CCDC148: variants seen among roughly 807,000 people sequenced by gnomAD.
CCDC148 encodes coiled-coil domain containing 148.
In CCDC148, 89 loss-of-function variants were observed where a neutral mutation model predicts 85.7. The observed-to-expected ratio is 1.04, with a 90% confidence interval of 0.87 to 1.24. CCDC148 has a LOEUF of 1.24. Ranked by LOEUF, CCDC148 falls within the 50% of genes most tolerant of loss-of-function variation. CCDC148 has a pLI of 0.00. For synonymous variants in CCDC148, 230 were observed against 213.9 expected, an observed-to-expected ratio of 1.08 and a Z score of -0.66; for missense variants, 692 against 671.7, an observed-to-expected ratio of 1.03 and a Z score of -0.33.
rs564871785 is a variant in CCDC148, at chr2:158,288,752, T to C, written c.1110+20681A>G. 2.1e-4 allele frequency: 85 copies of C among 401,514 alleles called. 1 individual carries two copies. Among genetic ancestry groups the C allele is most frequent in the African/African-American group, 1.6e-3 (77 of 47,364 alleles). 24.9% of individuals were successfully genotyped at this position (401,514 alleles called of 1,614,324 possible). ...CCAAAGTCACTTCCACATTTTCGGG[T>C]ATCTTTTCAGCAACACTTCACTCTA... On this transcript the variant is annotated intron_variant, in intron 9 of 13. Transcript: ENST00000283233.
intron 1 of CCDC148, among the ~76,000 whole-genome samples, chr2:158,383,418 TAA>T (rs1220214319): frequency 1.3e-5 from 2 of 152,060 alleles, no homozygotes; most frequent in African/African-American, 4.8e-5. Flanking sequence ...AATTTTATTT[TAA>T]AAGTGTATAT....
At position 158,352,567 on chromosome 2, in the gene CCDC148, G is replaced by A. The variant is rs548427724; in HGVS notation, c.147+5882C>T. ...AATGAGCAAAGCCTCCAAGAAATAT[G>A]GGACTATGTGAAAAGACCAAATCTA... On this transcript the variant is annotated intron_variant, in intron 2 of 13. Transcript: ENST00000283233. Among the ~76,000 whole-genome samples, 7 of 152,108 alleles carry A rather than the reference G, an allele frequency of 4.6e-5. No homozygotes were observed. In the South Asian group the frequency reaches 1.2e-3, roughly 27 times the overall value.
At chr2:158,352,146 G>A (rs1449146010) in intron 2 of CCDC148, among the ~76,000 whole-genome samples, 33 of 149,482 alleles carry the variant, frequency 2.2e-4, no homozygotes, top group Admixed American at 6.6e-5. Context: ...CAGAAAAACT[G>A]GAAACTCCAA....
intron 9 of CCDC148, among the ~76,000 whole-genome samples, chr2:158,271,524 T>A (rs539622073): frequency 1.3e-5 from 2 of 152,140 alleles, no homozygotes; most frequent in Non-Finnish European, 2.9e-5. Flanking sequence ...TTTGCAGCCA[T>A]CTTGGTTATC....
intron 1 of CCDC148, chr2:158,425,388 T>C (rs1687028687): frequency 5.0e-6 from 2 of 402,504 alleles, no homozygotes; most frequent in Admixed American, 5.6e-5. Context: ...CTTTTGTTGA[T>C]CTAAGATGAT....
At chr2:158,421,412 C>T (rs920962812) in intron 1 of CCDC148, among the ~76,000 whole-genome samples, 14 of 152,176 alleles carry the variant, frequency 9.2e-5, no homozygotes, top group Non-Finnish European at 2.1e-4. Flanking sequence ...TGCAATCAAA[C>T]TAGAACTCAG....
intron 1 of CCDC148, among the ~76,000 whole-genome samples, chr2:158,419,018 A>G (rs943310603): frequency 6.6e-5 from 10 of 152,132 alleles, no homozygotes; most frequent in African/African-American, 9.7e-5. Flanking sequence ...TTTCATAATT[A>G]GAGAAGATAA....
intron 9 of CCDC148, among the ~76,000 whole-genome samples, chr2:158,291,375 A>C (rs1690887210): frequency 6.6e-6 from 1 of 152,176 alleles, no homozygotes; most frequent in Admixed American, 6.5e-5. Flanking sequence ...CATCTAGTAC[A>C]CACCTAGTTC....
chr2:158,383,175 G>A (rs1190311059), intron 1 of CCDC148, among the ~76,000 whole-genome samples: 2 of 151,750 alleles, frequency 1.3e-5, no homozygotes, highest in African/African-American at 4.8e-5. Flanking sequence ...AAATTAGCTG[G>A]GCATGGTGAC....
intron 9 of CCDC148, among the ~76,000 whole-genome samples, chr2:158,303,327 T>C (rs1691535411): frequency 6.6e-6 from 1 of 152,222 alleles, no homozygotes; most frequent in African/African-American, 2.4e-5. Flanking sequence ...TCTATTATTT[T>C]GTAGAACTCT....
intron 1 of CCDC148, among the ~76,000 whole-genome samples, chr2:158,381,506 CA>C (rs1684867844): frequency 6.6e-6 from 1 of 152,132 alleles, no homozygotes. Flanking sequence ...AGCGTTCACA[CA>C]CAGCTGGTGG....
chr2:158,455,271 C>A (rs1032575497), intron 1 of CCDC148, among the ~76,000 whole-genome samples: 4 of 152,146 alleles, frequency 2.6e-5, no homozygotes, highest in Non-Finnish European at 1.5e-5. Context: ...CCCTGCTGAT[C>A]CCTTCTCAAT....
chr2:158,402,148 ATGTGAAG>A (rs1330245455), intron 1 of CCDC148, among the ~76,000 whole-genome samples: 1 of 152,090 alleles, frequency 6.6e-6, no homozygotes, highest in East Asian at 1.9e-4. Context: ...TAAACTAGCC[ATGTGAAG>A]TGTTATTCTC....
intron 8 of CCDC148, among the ~76,000 whole-genome samples, chr2:158,312,584 A>C (rs1692082334): frequency 6.6e-6 from 1 of 150,724 alleles, no homozygotes; most frequent in Non-Finnish European, 1.5e-5. Context: ...ATCTCAAAAA[A>C]AAAAAAAAAA....
intron 11 of CCDC148, among the ~76,000 whole-genome samples, chr2:158,204,835 A>C (rs941820824): frequency 3.3e-5 from 5 of 152,222 alleles, no homozygotes; most frequent in Non-Finnish European, 7.3e-5. Context: ...TTGTGCAGAG[A>C]CATGAAGAAC....
intron 9 of CCDC148, among the ~76,000 whole-genome samples, chr2:158,267,368 C>G (rs1397050249): frequency 6.6e-6 from 1 of 152,174 alleles, no homozygotes; most frequent in African/African-American, 2.4e-5. Context: ...TTCCCAGACC[C>G]AGGACGAGAC....
intron 1 of CCDC148, among the ~76,000 whole-genome samples, chr2:158,401,559 A>G (rs935362033): frequency 1.3e-5 from 2 of 152,014 alleles, no homozygotes; most frequent in African/African-American, 4.8e-5. Context: ...GGGGGACTGG[A>G]GAGGGATAGC....
chr2:158,378,268 T>G (rs1684735761), intron 1 of CCDC148, among the ~76,000 whole-genome samples: 1 of 152,144 alleles, frequency 6.6e-6, no homozygotes, highest in Admixed American at 6.6e-5. Context: ...CAACAATCTT[T>G]AAGCAAAACC....
chr2:158,180,178 C>T (rs978657764), intron 11 of CCDC148, among the ~76,000 whole-genome samples: 1 of 152,092 alleles, frequency 6.6e-6, no homozygotes, highest in Non-Finnish European at 1.5e-5. Flanking sequence ...AGTGTGCACA[C>T]CTGCATTTTC....
Sources: allele counts gnomAD v4.1 joint callset (sites outside exome capture counted in the v4.1 genomes callset), GRCh38; gene constraint gnomAD v4.1.1; transcripts MANE v1.5; gene names NCBI Gene and HGNC (gene_info 2026-07-23, HGNC 2026-07-21).